FIGN: variants seen among roughly 807,000 people sequenced by gnomAD.
The protein encoded by FIGN is fidgetin.
Under a neutral mutation model 51.3 loss-of-function variants are expected in FIGN, and 11 were observed. The observed-to-expected ratio is 0.21, with a 90% confidence interval of 0.13 to 0.35. The LOEUF is 0.35. Ranked by LOEUF, FIGN falls within the 10% of genes least tolerant of loss-of-function variation. The pLI, the probability that FIGN is intolerant of heterozygous loss-of-function variation, is 1.00. For missense variants in FIGN, 857 were observed against 943.6 expected (o/e 0.91, Z 1.20); for synonymous variants, 407 against 363.2 (o/e 1.12, Z -1.37).
chr2:163,610,980 G>A lies in FIGN; in HGVS notation c.852C>T (p.Pro284=), dbSNP rs372249646. ...YLPSGIPAPT[P]LPPTTVPGYT... ...AGCCAGGAACAGTGGTGGGGGGTAGGGGGGTGGGAGCAGGAATTCCTGAAG... is the reference window on the plus strand; with the variant it reads ...AGCCAGGAACAGTGGTGGGGGGTAGAGGGGTGGGAGCAGGAATTCCTGAAG... The change falls in exon 3 of 3, where the codon CCC becomes CCT. Residue 284 remains proline, a synonymous_variant. Transcript: ENST00000333129. 7 of 1,613,722 alleles carry A rather than the reference G, an allele frequency of 4.3e-6. No individual in the cohort carries two copies. The highest frequency in any genetic ancestry group is 5.9e-6 in the Non-Finnish European group (7 of 1,179,972).
In FIGN at chr2:163,609,995, G is replaced by A. The variant is rs887449862; in HGVS notation, c.1837C>T (p.Leu613=). The change falls in exon 3 of 3, where the codon CTG becomes TTG. Residue 613 remains leucine (L), a synonymous_variant. Coordinates refer to ENST00000333129, the MANE Select transcript of FIGN (RefSeq NM_018086.4). ...SRMRTEFLMQ[L]DTVLTSAEDQ... ...TCAGCCGAAGTTAGTACAGTGTCCAGTTGCATCAGAAATTCGGTTCTCATC... is the reference window on the plus strand; with the variant it reads ...TCAGCCGAAGTTAGTACAGTGTCCAATTGCATCAGAAATTCGGTTCTCATC... The A allele has an allele frequency of 3.7e-6, 6 of 1,614,020 alleles. No homozygotes were observed. In the African/African-American group the frequency reaches 4.0e-5, roughly 11 times the overall value.
At chr2:163,672,887 T>G (rs1381880424) in intron 2 of FIGN, among the ~76,000 whole-genome samples, 1 of 152,204 alleles carries the variant, frequency 6.6e-6, no homozygotes, top group Admixed American at 6.5e-5. Context: ...GAATGAGATG[T>G]ATTTTACCTT....
intron 2 of FIGN, among the ~76,000 whole-genome samples, chr2:163,721,580 A>C (rs893825479): frequency 1.3e-5 from 2 of 152,056 alleles, no homozygotes; most frequent in East Asian, 3.9e-4. Context: ...GTGTTTTTAT[A>C]CAATTAACTA....
chr2:163,730,562 C>T (rs567472647), intron 2 of FIGN, among the ~76,000 whole-genome samples: 1 of 150,576 alleles, frequency 6.6e-6, no homozygotes, highest in South Asian at 2.1e-4. Context: ...AATTTTGGGA[C>T]TTGTAAGCTT....
Position 163,735,877 on chromosome 2 carries a change from A to G in FIGN, c.-185T>C, listed in dbSNP as rs1444345120. ...AGAGAACCCGATAGGTTAGCGTAGC[A>G]TCGATCCGATGTGTTTGCTGATGAA... is the stretch of plus-strand genomic sequence containing the variant. On this transcript the variant is annotated 5_prime_UTR_variant, in exon 1 of 3. The change abolishes an upstream ATG in the 5' untranslated region. Transcript: ENST00000333129. 6.5e-6 allele frequency: 1 copy of G among 152,706 alleles called. No homozygotes were observed. The highest frequency in any genetic ancestry group is 2.4e-5 in the African/African-American group (1 of 41,482). The allele number at this position is 152,706 out of a possible 1,614,324, so 9.5% of individuals were successfully genotyped here. A position where few individuals can be genotyped will look rare whatever the true frequency, so the allele number is the denominator to read the frequency against.
At chr2:163,631,874 G>A (rs1246788875) in intron 2 of FIGN, among the ~76,000 whole-genome samples, 1 of 152,144 alleles carries the variant, frequency 6.6e-6, no homozygotes. Context: ...TAGGCTGGGC[G>A]CAGTGACTCA....
intron 2 of FIGN, among the ~76,000 whole-genome samples, chr2:163,633,663 T>C (rs913833017): frequency 2.0e-5 from 3 of 152,222 alleles, no homozygotes; most frequent in Admixed American, 6.5e-5. Context: ...CCTTTGGGGA[T>C]AGAAAATTTT....
intron 2 of FIGN, among the ~76,000 whole-genome samples, chr2:163,682,693 T>G (rs1156694266): frequency 6.6e-6 from 1 of 152,220 alleles, no homozygotes; most frequent in East Asian, 1.9e-4. Context: ...CTTGTTACAG[T>G]AACAATGTGA....
intron 2 of FIGN, among the ~76,000 whole-genome samples, chr2:163,638,522 A>T (rs1461762031): frequency 6.6e-6 from 1 of 152,162 alleles, no homozygotes; most frequent in Non-Finnish European, 1.5e-5. Flanking sequence ...AGCACTAAGC[A>T]CTTCAAATCC....
chr2:163,683,659 TA>T (rs1268125610), intron 2 of FIGN, among the ~76,000 whole-genome samples: 1 of 152,130 alleles, frequency 6.6e-6, no homozygotes. Context: ...TGGGGAGCTT[TA>T]AAAAATACTG....
chr2:163,729,239 A>T (rs1684889089), intron 2 of FIGN, among the ~76,000 whole-genome samples: 1 of 152,146 alleles, frequency 6.6e-6, no homozygotes, highest in Non-Finnish European at 1.5e-5. Context: ...ACATACACAT[A>T]TGAAATATAT....
At chr2:163,662,841 T>G (rs1361722214) in intron 2 of FIGN, among the ~76,000 whole-genome samples, 2 of 152,218 alleles carry the variant, frequency 1.3e-5, no homozygotes, top group African/African-American at 4.8e-5. Flanking sequence ...GATAGTGAAT[T>G]AAGTCTCATG....
At chr2:163,697,671 A>G (rs1209196785) in intron 2 of FIGN, among the ~76,000 whole-genome samples, 1 of 152,150 alleles carries the variant, frequency 6.6e-6, no homozygotes, top group Non-Finnish European at 1.5e-5. Context: ...GAAATCCCGC[A>G]GCTTTGGGTC....
chr2:163,695,542 C>T (rs1045644186), intron 2 of FIGN, among the ~76,000 whole-genome samples: 5 of 152,146 alleles, frequency 3.3e-5, no homozygotes, highest in African/African-American at 1.2e-4. Flanking sequence ...CACACACACA[C>T]ATATTTTAAC....
chr2:163,623,796 G>A (rs1358241345), intron 2 of FIGN, among the ~76,000 whole-genome samples: 1 of 151,920 alleles, frequency 6.6e-6, no homozygotes, highest in South Asian at 2.1e-4. Context: ...TGTGCCCTCT[G>A]TTTATTTAGT....
chr2:163,637,925 C>G (rs1291906853), intron 2 of FIGN, among the ~76,000 whole-genome samples: 2 of 152,066 alleles, frequency 1.3e-5, no homozygotes, highest in African/African-American at 4.8e-5. Flanking sequence ...CAGCAGAAAG[C>G]ACGGTGCCTC....
chr2:163,630,536 C>T (rs1469439557), intron 2 of FIGN, among the ~76,000 whole-genome samples: 1 of 152,026 alleles, frequency 6.6e-6, no homozygotes, highest in African/African-American at 2.4e-5. Flanking sequence ...AACTCATCAC[C>T]ACCATGAGAA....
intron 2 of FIGN, chr2:163,617,277 T>C (rs1368325638): frequency 1.2e-5 from 12 of 973,010 alleles, no homozygotes; most frequent in Non-Finnish European, 1.5e-5. Flanking sequence ...GGACCAAAAT[T>C]AGAAGATTTT....
chr2:163,677,135 AT>A (rs1683985322), intron 2 of FIGN, among the ~76,000 whole-genome samples: 1 of 152,214 alleles, frequency 6.6e-6, no homozygotes, highest in Non-Finnish European at 1.5e-5. Context: ...AGTTTGCAGA[AT>A]GGGCATGGCT....
Sources: allele counts gnomAD v4.1 joint callset (sites outside exome capture counted in the v4.1 genomes callset), GRCh38; gene constraint gnomAD v4.1.1; transcripts MANE v1.5; gene names NCBI Gene and HGNC (gene_info 2026-07-23, HGNC 2026-07-21).